The following RNF43 variants were observed in gnomAD, a reference collection of about 807,000 sequenced individuals.
The protein encoded by RNF43 is E3 ubiquitin-protein ligase RNF43.
In RNF43, 37 loss-of-function variants were observed where a neutral mutation model predicts 78.4. The observed-to-expected ratio is 0.47, with a 90% confidence interval of 0.36 to 0.62. The LOEUF (loss-of-function observed/expected upper bound fraction) is 0.62. Among genes scored for constraint, RNF43 ranks in the 20% least tolerant of loss-of-function variants. The pLI is 0.00. For synonymous variants in RNF43, 347 were observed against 395.0 expected, an observed-to-expected ratio of 0.88 and a Z score of 1.44; for missense variants, 774 against 1,007.9, an observed-to-expected ratio of 0.77 and a Z score of 3.14.
intron 2 of RNF43, among the ~76,000 whole-genome samples, chr17:58,392,104 G>A (rs1351635168): frequency 1.3e-5 from 2 of 152,208 alleles, no homozygotes; most frequent in Non-Finnish European, 2.9e-5. Context: ...AGTTATCAGA[G>A]GAGGGAGGAA....
chr17:58,397,258 CAAAAG>C lies in RNF43; in HGVS notation c.252+18063_252+18067del, dbSNP rs1027002828. ...ATGAAACACAGCAATCCCACAAACT[CAAAAG>C]AAAAGACCAAAAACATGAAAAGAAA... On this transcript the variant is annotated intron_variant, in intron 2 of 9. Transcript: ENST00000407977. Among the ~76,000 whole-genome samples the C allele has an allele frequency of 2.6e-5, 4 of 152,112 alleles. No homozygotes were observed. In the Admixed American group the frequency reaches 2.6e-4, roughly 10 times the overall value.
chr17:58,407,914 C>T (rs1973947379), intron 2 of RNF43, among the ~76,000 whole-genome samples: 2 of 152,180 alleles, frequency 1.3e-5, no homozygotes, highest in Non-Finnish European at 1.5e-5. Flanking sequence ...TCAGTGGAAC[C>T]ACCATGCTGA....
At chr17:58,401,837 A>C (rs972190567) in intron 2 of RNF43, among the ~76,000 whole-genome samples, 3 of 151,336 alleles carry the variant, frequency 2.0e-5, no homozygotes, top group African/African-American at 7.3e-5. Context: ...AAAAAAAAAA[A>C]AACCTATAAT....
chr17:58,354,807 C>G lies in RNF43; in HGVS notation c.*136G>C. 1.3e-6 allele frequency: 1 copy of G among 798,810 alleles called. No individual in the cohort carries two copies. Among genetic ancestry groups the G allele is most frequent in the East Asian group, 2.6e-5 (1 of 38,718 alleles). The allele number at this position is 798,810 out of a possible 1,614,324, so 49.5% of individuals were successfully genotyped here. On this transcript the variant is annotated 3_prime_UTR_variant, in exon 10 of 10. Coordinates refer to ENST00000407977, the MANE Select transcript of RNF43 (RefSeq NM_017763.6). Reference sequence around the variant, plus strand: ...ACCCTCCACCATCACCAGTCCTCTTCCAGTGCTTCTAGGAAGTACGGCAAA... The same window carrying G: ...ACCCTCCACCATCACCAGTCCTCTTGCAGTGCTTCTAGGAAGTACGGCAAA...
chr17:58,387,707 C>G (rs1469241287), intron 2 of RNF43, among the ~76,000 whole-genome samples: 1 of 151,946 alleles, frequency 6.6e-6, no homozygotes, highest in Non-Finnish European at 1.5e-5. Flanking sequence ...TAAAAGTCAA[C>G]TACTATTAGA....
intron 2 of RNF43, among the ~76,000 whole-genome samples, chr17:58,398,953 G>GA (rs1170346460): frequency 2.6e-5 from 4 of 152,214 alleles, no homozygotes; most frequent in Admixed American, 2.0e-4. Context: ...CTTCGGAGAA[G>GA]AAGGAGGCTT....
chr17:58,405,702 GA>G (rs1450764296), intron 2 of RNF43, among the ~76,000 whole-genome samples: 1 of 67,348 alleles, frequency 1.5e-5, no homozygotes, highest in East Asian at 7.3e-4. Context: ...TCTAATGACA[GA>G]AAGAAAGAAA....
At chr17:58,373,580 T>G (rs1390890372) in intron 2 of RNF43, among the ~76,000 whole-genome samples, 1 of 152,228 alleles carries the variant, frequency 6.6e-6, no homozygotes, top group Non-Finnish European at 1.5e-5. Flanking sequence ...ACATGATATG[T>G]TTTGATATAG....
At chr17:58,404,065 G>C (rs552984386) in intron 2 of RNF43, among the ~76,000 whole-genome samples, 8 of 152,152 alleles carry the variant, frequency 5.3e-5, no homozygotes, top group Non-Finnish European at 1.0e-4. Context: ...CCAGAGAAAG[G>C]CTCCTTTTTT....
chr17:58,408,348 G>T (rs1274976533), intron 2 of RNF43, among the ~76,000 whole-genome samples: 1 of 151,990 alleles, frequency 6.6e-6, no homozygotes, highest in East Asian at 1.9e-4. Context: ...TTCTCAAAGG[G>T]GCCTGTGGCA....
At chr17:58,388,462 T>C (rs973691349) in intron 2 of RNF43, among the ~76,000 whole-genome samples, 5 of 152,174 alleles carry the variant, frequency 3.3e-5, no homozygotes, top group African/African-American at 1.2e-4. Flanking sequence ...CTGAGTACAA[T>C]GCTGGATGGG....
At chr17:58,412,947 C>T (rs1974052811) in intron 2 of RNF43, among the ~76,000 whole-genome samples, 1 of 151,872 alleles carries the variant, frequency 6.6e-6, no homozygotes, top group Non-Finnish European at 1.5e-5. Flanking sequence ...GTAACTACAA[C>T]AATTCATAGG....
intron 2 of RNF43, among the ~76,000 whole-genome samples, chr17:58,375,111 A>G (rs1973180093): frequency 6.6e-6 from 1 of 152,182 alleles, no homozygotes; most frequent in Non-Finnish European, 1.5e-5. Context: ...ATTGTAATAC[A>G]GGCCACCATC....
At position 58,415,420 on chromosome 17, in the gene RNF43, A is replaced by C. The variant is rs1431895398; in HGVS notation, c.158T>G (p.Leu53Trp). 7 of 1,614,084 alleles carry C rather than the reference A, an allele frequency of 4.3e-6. No individual in the cohort carries two copies. Among genetic ancestry groups the C allele is most frequent in the Non-Finnish European group, 5.9e-6 (7 of 1,180,030 alleles). ...CAGTTTTCCTGTGGGGTCCATTTTCAAGGGGATCACTCTGATAATAGCTTT... is the reference window on the plus strand; with the variant it reads ...CAGTTTTCCTGTGGGGTCCATTTTCCAGGGGATCACTCTGATAATAGCTTT... ...EQKAIIRVIP[L>W]KMDPTGKLNL... The change falls in exon 2 of 10, where the codon TTG (leucine) becomes TGG (tryptophan). Residue 53 changes from leucine (L) to tryptophan (W), a missense_variant. Physicochemically the swap from Leu to Trp is moderately conservative, Grantham distance 61. Transcript: ENST00000407977.
intron 2 of RNF43, among the ~76,000 whole-genome samples, chr17:58,397,056 A>C (rs1280159474): frequency 3.9e-5 from 6 of 152,090 alleles, no homozygotes; most frequent in African/African-American, 1.4e-4. Context: ...AAAAAAAAAA[A>C]AACTCCGTGT....
chr17:58,410,361 A>G (rs1974003975), intron 2 of RNF43, among the ~76,000 whole-genome samples: 2 of 152,236 alleles, frequency 1.3e-5, no homozygotes, highest in Admixed American at 6.5e-5. Flanking sequence ...CTGGGATCAC[A>G]GGAGACAAGC....
At chr17:58,396,013 C>G (rs1973672090) in intron 2 of RNF43, among the ~76,000 whole-genome samples, 1 of 152,110 alleles carries the variant, frequency 6.6e-6, no homozygotes, top group Admixed American at 6.6e-5. Context: ...ATGTAGCCTG[C>G]AGAAAACTGT....
chr17:58,408,732 T>A (rs909055088), intron 2 of RNF43, among the ~76,000 whole-genome samples: 13 of 152,162 alleles, frequency 8.5e-5, no homozygotes, highest in Non-Finnish European at 2.9e-5. Flanking sequence ...TAACATACTT[T>A]AAAAATGTGA....
rs1170146965 is a variant in RNF43 at position 58,357,794 on chromosome 17, G to A, written c.1982C>T (p.Ser661Phe). 10 of 1,614,138 alleles carry A rather than the reference G, an allele frequency of 6.2e-6. No individual in the cohort carries two copies. Among genetic ancestry groups the A allele is most frequent in the Non-Finnish European group, 8.5e-6 (10 of 1,180,014 alleles). Residue 661 changes from serine (S) to phenylalanine (F), a missense_variant, in exon 9 of 10, where the codon TCC (serine) becomes TTC (phenylalanine). By Grantham distance (155) the Ser-to-Phe change is radical. Coordinates refer to ENST00000407977, the MANE Select transcript of RNF43 (RefSeq NM_017763.6). This position sits in a 1 kb window ranked among gnomAD's most constrained non-coding sequence, Gnocchi z 4.5. ...HPQRKRRGGP[S>F]EPTPGSRPQD... ...GGGCCGAGAGCCAGGGGTGGGCTCG[G>A]AGGGACCCCCCCGCCTTTTCCTCTG... is the stretch of plus-strand genomic sequence containing the variant.
Sources: gnomAD v4.1 joint callset for allele counts (sites outside exome capture counted in the v4.1 genomes callset) on GRCh38, gnomAD v4.1.1 for gene constraint, Gnocchi (gnomAD v3.1) non-coding constraint, MANE v1.5 for transcripts, NCBI Gene and HGNC (gene_info 2026-07-23, HGNC 2026-07-21) for gene names.